The following LCOR variants were observed in gnomAD, a reference collection of about 807,000 sequenced individuals.
The protein encoded by LCOR is ligand-dependent corepressor.
In LCOR, 14 loss-of-function variants were observed where a neutral mutation model predicts 64.4. The ratio of observed to expected loss-of-function variants is 0.22; its 90% CI spans 0.14 to 0.34. The LOEUF is 0.34. Among genes scored for constraint, LCOR ranks in the 10% least tolerant of loss-of-function variants. The pLI is 1.00. For synonymous variants in LCOR, 643 were observed against 642.5 expected, an observed-to-expected ratio of 1.00 and a Z score of -0.01; for missense variants, 1,686 against 1,765.3, an observed-to-expected ratio of 0.96 and a Z score of 0.80.
chr10:96,863,799 T>C (rs139033961), intron 2 of LCOR, among the ~76,000 whole-genome samples: 23 of 152,360 alleles, frequency 1.5e-4, no homozygotes, highest in African/African-American at 5.5e-4. Context: ...TAAGTTGATA[T>C]TTTTGGTTTG....
chr10:96,952,493 A>G (rs1219637688), intron 7 of LCOR, among the ~76,000 whole-genome samples: 1 of 152,148 alleles, frequency 6.6e-6, no homozygotes, highest in African/African-American at 2.4e-5. Flanking sequence ...GTTTAGATGT[A>G]AAGACAGTAT....
chr10:96,860,739 T>TA (rs1202840182), intron 2 of LCOR, among the ~76,000 whole-genome samples: 2 of 152,234 alleles, frequency 1.3e-5, no homozygotes, highest in African/African-American at 4.8e-5. Flanking sequence ...TGTGGTTGGT[T>TA]ATATTTATGG....
chr10:96,849,010 T>TG (rs1491140106), intron 2 of LCOR, among the ~76,000 whole-genome samples: 4 of 61,566 alleles, frequency 6.5e-5, no homozygotes, highest in Admixed American at 5.8e-4. Context: ...GAGTTGAAAA[T>TG]GTTTTTTTTT....
chr10:96,962,840 A>G (rs1026780799), intron 7 of LCOR: 2 of 152,190 alleles, frequency 1.3e-5, no homozygotes, highest in Non-Finnish European at 2.9e-5. Context: ...GCTGTCAGAC[A>G]TTGGTATTTT....
rs1303061445 is a variant in LCOR at position 96,977,328 on chromosome 10, A to G, written c.333-3465A>G. Among the ~76,000 whole-genome samples the G allele has an allele frequency of 7.9e-5, 12 of 152,320 alleles. 1 individual carries two copies. The East Asian group carries it at 2.3e-3, about 29-fold the overall frequency. ...CAGCCACTGTTTGGAAGCCAGTAAGAAAGAAGATTTAATACAATACAGGCC... is the reference window on the plus strand; with the variant it reads ...CAGCCACTGTTTGGAAGCCAGTAAGGAAGAAGATTTAATACAATACAGGCC... On this transcript the variant is annotated intron_variant, in intron 7 of 7. Transcript: ENST00000421806.
chr10:96,921,216 G>A (rs1847075832), intron 4 of LCOR, among the ~76,000 whole-genome samples: 1 of 151,954 alleles, frequency 6.6e-6, no homozygotes, highest in Non-Finnish European at 1.5e-5. Context: ...ACTCTGTTGT[G>A]TCCTTTGATG....
intron 2 of LCOR, among the ~76,000 whole-genome samples, chr10:96,898,470 G>C (rs895467438): frequency 1.3e-5 from 2 of 152,194 alleles, no homozygotes; most frequent in Non-Finnish European, 2.9e-5. Context: ...TCAGTGGAAA[G>C]CTATCAAATG....
chr10:96,853,041 T>C (rs1845746306), intron 2 of LCOR, among the ~76,000 whole-genome samples: 1 of 152,216 alleles, frequency 6.6e-6, no homozygotes, highest in African/African-American at 2.4e-5. Flanking sequence ...ATTTTGTTAT[T>C]GTTGTCACCT....
intron 7 of LCOR, among the ~76,000 whole-genome samples, chr10:96,966,220 C>CT (rs34210121): frequency 0.14 from 7,844 of 55,130 alleles, 2,367 homozygotes; most frequent in African/African-American, 0.26. Context: ...CCAAAGGACT[C>CT]TTTTTTTTTT....
chr10:96,960,368 C>T (rs1017063637), intron 7 of LCOR: 1 of 152,164 alleles, frequency 6.6e-6, no homozygotes, highest in Non-Finnish European at 1.5e-5. Flanking sequence ...AGTAGTTTAA[C>T]AGTTATATGA....
At chr10:96,935,260 T>C (rs1847329966) in intron 4 of LCOR, among the ~76,000 whole-genome samples, 2 of 148,424 alleles carry the variant, frequency 1.3e-5, no homozygotes, top group African/African-American at 5.0e-5. Flanking sequence ...GCATTTCTCC[T>C]GCCTCAGCCT....
chr10:96,970,855 G>A (rs1466528638), intron 7 of LCOR, among the ~76,000 whole-genome samples: 1 of 151,712 alleles, frequency 6.6e-6, no homozygotes, highest in Non-Finnish European at 1.5e-5. Flanking sequence ...CTGAGCTCAG[G>A]CAATCCTCCT....
At chr10:96,929,692 AC>A (rs1411187172) in intron 4 of LCOR, among the ~76,000 whole-genome samples, 1 of 152,156 alleles carries the variant, frequency 6.6e-6, no homozygotes, top group Non-Finnish European at 1.5e-5. Flanking sequence ...GACATTAGAG[AC>A]CTATGTTTTG....
intron 2 of LCOR, among the ~76,000 whole-genome samples, chr10:96,889,713 C>CT (rs775059677): frequency 2.6e-5 from 4 of 152,176 alleles, no homozygotes; most frequent in African/African-American, 4.8e-5. Flanking sequence ...GTGACATAAA[C>CT]TTTGAGTCCT....
chr10:96,976,060 C>T (rs1241611621), intron 7 of LCOR, among the ~76,000 whole-genome samples: 1 of 152,176 alleles, frequency 6.6e-6, no homozygotes, highest in Non-Finnish European at 1.5e-5. Context: ...TTAGGATTTT[C>T]AGGAAAGAAT....
chr10:96,910,255 C>T (rs185034904), intron 4 of LCOR, among the ~76,000 whole-genome samples: 112 of 150,702 alleles, frequency 7.4e-4, no homozygotes, highest in African/African-American at 2.5e-3. Flanking sequence ...TGGTGAAGCA[C>T]TTAAAACAAC....
intron 7 of LCOR, chr10:96,956,202 C>G: frequency 2.6e-6 from 3 of 1,137,008 alleles, no homozygotes; most frequent in Non-Finnish European, 3.2e-6. Context: ...GAAGTGGACT[C>G]CTTGCCTGTA....
chr10:96,878,446 A>G (rs2134416076), intron 2 of LCOR, among the ~76,000 whole-genome samples: 1 of 152,328 alleles, frequency 6.6e-6, no homozygotes, highest in Middle Eastern at 3.4e-3. Flanking sequence ...TAATAGATTA[A>G]TGTGGAAAGT....
intron 2 of LCOR, among the ~76,000 whole-genome samples, chr10:96,860,515 TACC>T (rs1007045412): frequency 2.6e-5 from 4 of 152,234 alleles, no homozygotes; most frequent in African/African-American, 9.6e-5. Flanking sequence ...GCCATGCCAA[TACC>T]TTGGTTTCTG....
Sources: gnomAD v4.1 joint callset for allele counts (sites outside exome capture counted in the v4.1 genomes callset) on GRCh38, gnomAD v4.1.1 for gene constraint, MANE v1.5 for transcripts, NCBI Gene and HGNC (gene_info 2026-07-23, HGNC 2026-07-21) for gene names.